Variants in HHAT observed in about 807,000 individuals in gnomAD.
HHAT encodes protein-cysteine N-palmitoyltransferase HHAT.
In HHAT, 47 loss-of-function variants were observed where a neutral mutation model predicts 70.8. That is an observed-to-expected ratio of 0.66 (90% CI 0.53 to 0.85). The LOEUF is 0.85. Ranked by LOEUF, HHAT falls within the 40% of genes least tolerant of loss-of-function variation. HHAT has a pLI of 0.00. For synonymous variants in HHAT, 228 were observed against 247.6 expected, an observed-to-expected ratio of 0.92 and a Z score of 0.74; for missense variants, 609 against 604.8, an observed-to-expected ratio of 1.01 and a Z score of -0.07.
chr1:210,381,890 G>A (rs2090667604), intron 3 of HHAT, among the ~76,000 whole-genome samples: 1 of 152,166 alleles, frequency 6.6e-6, no homozygotes, highest in East Asian at 1.9e-4. Context: ...GTCTCGGTGA[G>A]TGCCTTGGCA....
At chr1:210,408,530 T>C (rs1226681441) in intron 6 of HHAT, among the ~76,000 whole-genome samples, 2 of 152,172 alleles carry the variant, frequency 1.3e-5, no homozygotes, top group African/African-American at 4.8e-5. Context: ...AGTGTAATTC[T>C]AGGGTAGTTT....
In HHAT at chr1:210,340,336, T is replaced by G. The variant is rs2085930661; in HGVS notation, c.-43-8597T>G. The stretch of plus-strand genomic sequence containing the variant: ...GACTTGGTGGTTTTCTTGGAGAAAA[T>G]CATGTAATTTAGAGTCTACAAAATG... On this transcript the variant is annotated intron_variant, in intron 1 of 11. Transcript: ENST00000261458. Among the ~76,000 whole-genome samples, 9 of 146,662 alleles carry G rather than the reference T, an allele frequency of 6.1e-5. No individual in the cohort carries two copies. In the South Asian group the frequency reaches 2.0e-3, roughly 32 times the overall value.
chr1:210,670,238 G>GC (rs1436130386), intron 11 of HHAT, among the ~76,000 whole-genome samples: 4 of 152,288 alleles, frequency 2.6e-5, no homozygotes, highest in East Asian at 3.9e-4. Flanking sequence ...GCCTACCCCT[G>GC]CCCCCCTGGG....
intron 9 of HHAT, among the ~76,000 whole-genome samples, chr1:210,538,846 G>A (rs2095400749): frequency 6.6e-6 from 1 of 152,204 alleles, no homozygotes; most frequent in Non-Finnish European, 1.5e-5. Context: ...GGAGGCCGAG[G>A]CAGGTGAATC....
At chr1:210,332,220 G>A (rs1571633577) in intron 1 of HHAT, among the ~76,000 whole-genome samples, 3 of 152,334 alleles carry the variant, frequency 2.0e-5, no homozygotes, top group South Asian at 4.2e-4. Flanking sequence ...CTCTGCCCAA[G>A]CACATACTAC....
At chr1:210,613,808 A>G (rs1356251384) in intron 10 of HHAT, among the ~76,000 whole-genome samples, 3 of 152,146 alleles carry the variant, frequency 2.0e-5, no homozygotes, top group Non-Finnish European at 2.9e-5. Context: ...ACTTGAGCCC[A>G]GGAGTTTGAG....
At chr1:210,392,814 A>T (rs372934088) in intron 4 of HHAT, among the ~76,000 whole-genome samples, 2 of 152,126 alleles carry the variant, frequency 1.3e-5, no homozygotes, top group Admixed American at 1.3e-4. Context: ...TATAGGAGAT[A>T]CAACCCTTGT....
At chr1:210,604,810 G>T (rs1665051010) in intron 10 of HHAT, among the ~76,000 whole-genome samples, 1 of 152,120 alleles carries the variant, frequency 6.6e-6, no homozygotes, top group Non-Finnish European at 1.5e-5. Context: ...GAGGCCAGGA[G>T]TTCGACACCA....
chr1:210,563,649 T>A (rs945321679), intron 9 of HHAT, among the ~76,000 whole-genome samples: 4 of 152,160 alleles, frequency 2.6e-5, no homozygotes, highest in Non-Finnish European at 4.4e-5. Context: ...CAGATCCAAC[T>A]CTCAGCATAG....
At chr1:210,381,267 C>T (rs1187458730) in intron 3 of HHAT, among the ~76,000 whole-genome samples, 1 of 151,594 alleles carries the variant, frequency 6.6e-6, no homozygotes, top group Non-Finnish European at 1.5e-5. Flanking sequence ...TGCAGTGGGT[C>T]ATTTAAAAAA....
intron 9 of HHAT, among the ~76,000 whole-genome samples, chr1:210,513,556 A>G (rs2094998740): frequency 6.6e-6 from 1 of 152,236 alleles, no homozygotes; most frequent in Non-Finnish European, 1.5e-5. Flanking sequence ...TTTAAGTGGA[A>G]TCTTCCAGTT....
chr1:210,397,254 A>C (rs1435218193), intron 4 of HHAT, among the ~76,000 whole-genome samples: 1 of 152,252 alleles, frequency 6.6e-6, no homozygotes, highest in Admixed American at 6.5e-5. Context: ...TAAATCAGAA[A>C]CATCACAATC....
chr1:210,537,790 A>G (rs1465573632), intron 9 of HHAT, among the ~76,000 whole-genome samples: 1 of 152,196 alleles, frequency 6.6e-6, no homozygotes, highest in Non-Finnish European at 1.5e-5. Flanking sequence ...AGGAGATTTG[A>G]TTGTTGTTTA....
At chr1:210,495,013 A>G (rs1572833754) in intron 8 of HHAT, among the ~76,000 whole-genome samples, 1 of 152,106 alleles carries the variant, frequency 6.6e-6, no homozygotes, top group Non-Finnish European at 1.5e-5. Context: ...TGCCAAGGGC[A>G]TGAGTACACA....
chr1:210,412,773 A>G (rs967257091), intron 6 of HHAT, among the ~76,000 whole-genome samples: 1 of 152,212 alleles, frequency 6.6e-6, no homozygotes. Context: ...GTCTGGGGTC[A>G]TGAGACAGTG....
intron 11 of HHAT, among the ~76,000 whole-genome samples, chr1:210,636,835 T>G (rs1315816914): frequency 6.6e-6 from 1 of 152,168 alleles, no homozygotes; most frequent in Non-Finnish European, 1.5e-5. Context: ...GCCTTATTAG[T>G]GAATTCATAT....
In HHAT at chr1:210,400,452, G is replaced by A. The variant is rs2092009352; in HGVS notation, c.274-16G>A. 2.5e-6 allele frequency: 4 copies of A among 1,593,740 alleles called. No individual in the cohort carries two copies. Among genetic ancestry groups the A allele is most frequent in the Non-Finnish European group, 3.4e-6 (4 of 1,169,154 alleles). ...TTCCTCCCTGTCTCTCTCTGGATGGGCCCCACCATTTGCAGCACAGACCCT... is the reference window on the plus strand; with the variant it reads ...TTCCTCCCTGTCTCTCTCTGGATGGACCCCACCATTTGCAGCACAGACCCT... On this transcript the variant is annotated splice_polypyrimidine_tract_variant and intron_variant, in intron 4 of 11. Transcript: ENST00000261458.
chr1:210,587,271 G>A (rs1243966318), intron 9 of HHAT, among the ~76,000 whole-genome samples: 3 of 152,176 alleles, frequency 2.0e-5, no homozygotes, highest in Admixed American at 1.3e-4. Context: ...CACAATCATG[G>A]CAGAAGGTGA....
intron 10 of HHAT, among the ~76,000 whole-genome samples, chr1:210,622,233 A>G (rs1280260265): frequency 6.6e-6 from 1 of 152,170 alleles, no homozygotes; most frequent in Non-Finnish European, 1.5e-5. Context: ...ATTAGGGTGC[A>G]CGTGACCCTA....
Sources: allele counts gnomAD v4.1 joint callset (sites outside exome capture counted in the v4.1 genomes callset), GRCh38; gene constraint gnomAD v4.1.1; transcripts MANE v1.5; gene names NCBI Gene and HGNC (gene_info 2026-07-23, HGNC 2026-07-21).